EXOC6B: variants seen among roughly 807,000 people sequenced by gnomAD.
EXOC6B encodes SEC15 homolog B.
A neutral mutation model predicts 113.5 loss-of-function variants in EXOC6B; 54 were observed. That is an observed-to-expected ratio of 0.48 (90% CI 0.38 to 0.60). The LOEUF is 0.60. Among genes scored for constraint, EXOC6B ranks in the 20% least tolerant of loss-of-function variants. The pLI is 0.00. For synonymous variants in EXOC6B, 357 were observed against 339.0 expected (o/e 1.05, Z -0.58); for missense variants, 797 against 977.5 (o/e 0.82, Z 2.46).
chr2:72,644,497 A>G (rs1479830217), intron 6 of EXOC6B, among the ~76,000 whole-genome samples: 2 of 152,308 alleles, frequency 1.3e-5, no homozygotes, highest in South Asian at 2.1e-4. Context: ...CAGATTCACC[A>G]AAGTTGAAAT....
chr2:72,718,666 G>A (rs911118121), intron 5 of EXOC6B, among the ~76,000 whole-genome samples: 6 of 151,954 alleles, frequency 3.9e-5, no homozygotes, highest in African/African-American at 9.7e-5. Flanking sequence ...GAGACTAGCC[G>A]GGTCAACACA....
Position 72,813,072 on chromosome 2 carries a change from T to C in EXOC6B, c.113+12726A>G, listed in dbSNP as rs187244911. ...CAACTGCATATGAATTCTATAATTA[T>C]CTCAAAAGTTTAATTGTACTTACTT... On this transcript the variant is annotated intron_variant, in intron 1 of 21. Coordinates refer to ENST00000272427, the MANE Select transcript of EXOC6B (RefSeq NM_015189.3). 9.8e-5 allele frequency among the ~76,000 whole-genome samples: 15 copies of C among 152,294 alleles called. No individual in the cohort carries two copies. The East Asian group carries it at 2.5e-3, about 25-fold the overall frequency.
chr2:72,797,942 A>G (rs1228752604), intron 1 of EXOC6B, among the ~76,000 whole-genome samples: 1 of 152,154 alleles, frequency 6.6e-6, no homozygotes, highest in African/African-American at 2.4e-5. Context: ...TTCACTTCCT[A>G]TATTTCTAAT....
At chr2:72,393,459 A>T (rs1692518281) in intron 18 of EXOC6B, among the ~76,000 whole-genome samples, 1 of 151,978 alleles carries the variant, frequency 6.6e-6, no homozygotes, top group Non-Finnish European at 1.5e-5. Flanking sequence ...GCTTATCTAA[A>T]TCCTATACTT....
rs538379917 is a variant in EXOC6B, at chr2:72,293,321, CA to C, written c.2196+41625del. ...TATAATATAGTAGAATGATATACTA[CA>C]GAATATAGTAGAAGAATGGAGACAC... is the stretch of plus-strand genomic sequence containing the variant. On this transcript the variant is annotated intron_variant, in intron 20 of 21. Coordinates refer to ENST00000272427, the MANE Select transcript of EXOC6B (RefSeq NM_015189.3). Among the ~76,000 whole-genome samples, 1,007 of 152,094 alleles carry C rather than the reference CA, an allele frequency of 6.6e-3. 13 individuals are homozygous for C. Among genetic ancestry groups the C allele is most frequent in the African/African-American group, 0.022 (915 of 41,488 alleles).
Position 72,224,982 on chromosome 2 carries a change from A to G in EXOC6B, c.2197-40795T>C, listed in dbSNP as rs1020508077. On this transcript the variant is annotated intron_variant, in intron 20 of 21. Coordinates refer to ENST00000272427, the MANE Select transcript of EXOC6B (RefSeq NM_015189.3). ...TATGTGTATATACATCTCTCTCTGT[A>G]TGTGTGTGTGTGTATATATATATAA... Among the ~76,000 whole-genome samples, 166 of 137,140 alleles carry G rather than the reference A, an allele frequency of 1.2e-3. 1 individual carries two copies. The highest frequency in any genetic ancestry group is 4.2e-3 in the African/African-American group (159 of 38,072). 90.0% of individuals were successfully genotyped at this position (137,140 alleles called of 152,430 possible). A position where few individuals can be genotyped will look rare whatever the true frequency, so the allele number is the denominator to read the frequency against.
intron 19 of EXOC6B, among the ~76,000 whole-genome samples, chr2:72,373,848 G>A (rs1691188505): frequency 6.6e-6 from 1 of 152,172 alleles, no homozygotes; most frequent in African/African-American, 2.4e-5. Flanking sequence ...TATGGAGACG[G>A]TGTGGTGGCT....
rs888397190 is a variant in EXOC6B at position 72,465,042 on chromosome 2, C to T, written c.1980+118G>A. ...TAAAGGTTAATAAATATAGCATGCG[C>T]CTTTATATACTGAAAATCTTCCTGG... On this transcript the variant is annotated intron_variant, in intron 18 of 21. Transcript: ENST00000272427. 3.2e-5 allele frequency: 25 copies of T among 785,506 alleles called. 1 individual carries two copies. Among genetic ancestry groups the T allele is most frequent in the Non-Finnish European group, 4.4e-5 (21 of 472,274 alleles). 48.7% of individuals were successfully genotyped at this position (785,506 alleles called of 1,614,324 possible).
At chr2:72,776,201 A>G (rs1199395912) in intron 1 of EXOC6B, among the ~76,000 whole-genome samples, 1 of 152,206 alleles carries the variant, frequency 6.6e-6, no homozygotes, top group Non-Finnish European at 1.5e-5. Context: ...AACCAATACT[A>G]CATATCTAAA....
At position 72,176,188 on chromosome 2, in the gene EXOC6B, T is replaced by C. The variant is rs1384799229; in HGVS notation, c.*3147A>G. ...GGACTTTCCTAATTTTCTCTATATATGTGCAACTATCTGTGTAAAATAAAA... is the reference window on the plus strand; with the variant it reads ...GGACTTTCCTAATTTTCTCTATATACGTGCAACTATCTGTGTAAAATAAAA... On this transcript the variant is annotated 3_prime_UTR_variant, in exon 22 of 22. Transcript: ENST00000272427. 1.3e-5 allele frequency: 2 copies of C among 151,620 alleles called. No homozygotes were observed. The highest frequency in any genetic ancestry group is 3.9e-4 in the East Asian group (2 of 5,178). 9.4% of individuals were successfully genotyped at this position (151,620 alleles called of 1,614,324 possible).
Position 72,495,767 on chromosome 2 carries a change from G to T in EXOC6B, c.1444-228C>A, listed in dbSNP as rs566085067. Among the ~76,000 whole-genome samples, 18 of 152,134 alleles carry T rather than the reference G, an allele frequency of 1.2e-4. 1 individual carries two copies. The highest frequency in any genetic ancestry group is 4.1e-4 in the African/African-American group (17 of 41,518). ...CATCATGGAAAGAGATAAACAAATT[G>T]TGTTACATACTCAGCAATAAAAATG... On this transcript the variant is annotated intron_variant, in intron 14 of 21. Coordinates refer to ENST00000272427, the MANE Select transcript of EXOC6B (RefSeq NM_015189.3).
intron 18 of EXOC6B, chr2:72,462,846 T>A (rs1697789087): frequency 6.6e-6 from 1 of 152,156 alleles, no homozygotes; most frequent in African/African-American, 2.4e-5. Flanking sequence ...GTGAGAAGCA[T>A]CTTCACCCAA....
intron 19 of EXOC6B, among the ~76,000 whole-genome samples, chr2:72,369,689 G>A (rs561134784): frequency 1.3e-5 from 2 of 152,194 alleles, no homozygotes; most frequent in East Asian, 3.9e-4. Flanking sequence ...ACAGAACAGA[G>A]CCCTCAGAAA....
chr2:72,494,109 T>C (rs908340352), intron 15 of EXOC6B, among the ~76,000 whole-genome samples: 15 of 152,048 alleles, frequency 9.9e-5, no homozygotes, highest in Non-Finnish European at 1.8e-4. Flanking sequence ...GTGAAAAGTA[T>C]CAAAGGAAGT....
intron 20 of EXOC6B, among the ~76,000 whole-genome samples, chr2:72,210,868 T>C (rs1042870943): frequency 6.6e-6 from 1 of 152,216 alleles, no homozygotes; most frequent in Non-Finnish European, 1.5e-5. Flanking sequence ...GGCTGTGGAC[T>C]CTTGGATATT....
intron 6 of EXOC6B, among the ~76,000 whole-genome samples, chr2:72,603,073 GTT>G (rs61465336): frequency 0.78 from 110,888 of 142,780 alleles, 43,169 homozygotes; most frequent in East Asian, 0.97. Flanking sequence ...CGGACAGATG[GTT>G]TTTTTTTTTT....
chr2:72,244,327 A>G (rs1335987738), intron 20 of EXOC6B, among the ~76,000 whole-genome samples: 1 of 152,168 alleles, frequency 6.6e-6, no homozygotes, highest in African/African-American at 2.4e-5. Flanking sequence ...TAGTCATGTC[A>G]AGGGGAATTA....
chr2:72,407,921 A>C (rs1047736422), intron 18 of EXOC6B, among the ~76,000 whole-genome samples: 2 of 152,192 alleles, frequency 1.3e-5, no homozygotes, highest in African/African-American at 4.8e-5. Flanking sequence ...GAGGAAGTCA[A>C]ATTGTCCCTG....
intron 5 of EXOC6B, among the ~76,000 whole-genome samples, chr2:72,728,444 A>G (rs551060614): frequency 1.3e-5 from 2 of 152,342 alleles, no homozygotes; most frequent in South Asian, 2.1e-4. Flanking sequence ...ACTGTCTGTC[A>G]TAACTACTGG....
Sources: gnomAD v4.1 joint callset for allele counts (sites outside exome capture counted in the v4.1 genomes callset) on GRCh38, gnomAD v4.1.1 for gene constraint, MANE v1.5 for transcripts, NCBI Gene and HGNC (gene_info 2026-07-23, HGNC 2026-07-21) for gene names.